Variants in CCDC38 observed in about 807,000 individuals in gnomAD.
CCDC38 encodes coiled-coil domain-containing protein 38.
A neutral mutation model predicts 72.8 loss-of-function variants in CCDC38; 69 were observed. That is an observed-to-expected ratio of 0.95 (90% CI 0.78 to 1.16). CCDC38 has a LOEUF of 1.16. CCDC38 is among the 50% of genes most tolerant of loss of function. CCDC38 has a pLI of 0.00. For synonymous variants in CCDC38, 201 were observed against 213.2 expected (o/e 0.94, Z 0.50); for missense variants, 626 against 638.9 (o/e 0.98, Z 0.22).
At chr12:95,881,670 T>A (rs1015038181) in intron 10 of CCDC38, 116 bp from the exon 11 acceptor site, 2 of 680,796 alleles carry the variant, frequency 2.9e-6, no homozygotes, top group Non-Finnish European at 2.5e-6. Context: ...TTATTTTCAA[T>A]AGCAGGTTTA....
intron 4 of CCDC38, among the ~76,000 whole-genome samples, chr12:95,907,783 C>A (rs1023466630): frequency 2.0e-5 from 3 of 150,448 alleles, no homozygotes; most frequent in African/African-American, 7.4e-5. Context: ...CAGGCAGAGA[C>A]GCTCCTCACA....
intron 5 of CCDC38, among the ~76,000 whole-genome samples, chr12:95,900,725 A>G (rs1413955085): frequency 6.6e-6 from 1 of 152,246 alleles, no homozygotes; most frequent in Non-Finnish European, 1.5e-5. Context: ...TCATTGTGCA[A>G]AGTGGCTTAA....
chr12:95,938,711 G>C (rs371692142), intron 1 of CCDC38, among the ~76,000 whole-genome samples: 1 of 152,218 alleles, frequency 6.6e-6, no homozygotes, highest in Admixed American at 6.5e-5. Flanking sequence ...GAGAGGAACA[G>C]AACCAGTTAT....
intron 2 of CCDC38, 60 bp downstream of exon 2, chr12:95,936,413 T>C: frequency 1.4e-6 from 2 of 1,466,694 alleles, no homozygotes; most frequent in Admixed American, 3.8e-5. Context: ...GCTCACAATC[T>C]GTTATGGAGC....
At chr12:95,869,443 T>C in intron 15 of CCDC38, 37 bp downstream of exon 15, 2 of 1,457,684 alleles carry the variant, frequency 1.4e-6, no homozygotes, top group Non-Finnish European at 1.9e-6. Flanking sequence ...TTGTATCACA[T>C]ATTGATATGG....
intron 2 of CCDC38, among the ~76,000 whole-genome samples, chr12:95,921,736 A>G (rs2080211177): frequency 1.0e-5 from 1 of 98,970 alleles, no homozygotes; most frequent in African/African-American, 4.8e-5. Context: ...TGGAGTTGAC[A>G]CCTTAAATCA....
intron 13 of CCDC38, 67 bp downstream of exon 13, chr12:95,878,144 G>T: frequency 6.4e-7 from 1 of 1,555,778 alleles, no homozygotes; most frequent in Non-Finnish European, 8.8e-7. Context: ...CACATACTTA[G>T]GACACAGGGA....
intron 10 of CCDC38, among the ~76,000 whole-genome samples, chr12:95,884,314 A>G (rs1324486837): frequency 6.6e-6 from 1 of 152,252 alleles, no homozygotes; most frequent in Non-Finnish European, 1.5e-5. Flanking sequence ...ACAAAGTACA[A>G]TACCATTTAC....
In CCDC38 at chr12:95,879,594, T is replaced by C; in HGVS notation, c.1142+50A>G. ...ATGTGAGTGAGTTGGACCCAGGCTC[T>C]GGTTAGAAATTGCTTAATGGAATAA... is the stretch of plus-strand genomic sequence containing the variant. On this transcript the variant is annotated intron_variant, in intron 12 of 15. Transcript: ENST00000344280. This position sits in a 1 kb window ranked among gnomAD's most constrained non-coding sequence, Gnocchi z 5.5. 2 of 1,343,786 alleles carry C rather than the reference T, an allele frequency of 1.5e-6. No homozygotes were observed. 83.2% of individuals were successfully genotyped at this position (1,343,786 alleles called of 1,614,324 possible).
At chr12:95,943,208 C>G (rs1406664829), upstream of CCDC38, 2 of 574,292 alleles carry the variant, frequency 3.5e-6, no homozygotes, top group East Asian at 7.0e-5. Context: ...TACTCGTTGC[C>G]ATTCTTGCAA....
intron 8 of CCDC38, among the ~76,000 whole-genome samples, chr12:95,893,578 G>A (rs548313978): frequency 1.3e-5 from 2 of 151,544 alleles, no homozygotes; most frequent in South Asian, 2.1e-4. Context: ...CTCAACTTCC[G>A]GGGTTTCAGG....
intron 13 of CCDC38, among the ~76,000 whole-genome samples, chr12:95,877,051 A>G (rs966390794): frequency 2.0e-5 from 3 of 152,126 alleles, no homozygotes; most frequent in Admixed American, 6.5e-5. Context: ...TTAAGATTAA[A>G]CAAGTTTTAT....
intron 5 of CCDC38, among the ~76,000 whole-genome samples, chr12:95,904,713 G>A (rs965704974): frequency 8.5e-5 from 13 of 152,160 alleles, no homozygotes; most frequent in Admixed American, 7.2e-4. Context: ...TTGACCATGT[G>A]GTTGATCTGT....
intron 2 of CCDC38, among the ~76,000 whole-genome samples, chr12:95,931,357 A>G (rs1276549015): frequency 6.6e-6 from 1 of 152,240 alleles, no homozygotes; most frequent in East Asian, 1.9e-4. Flanking sequence ...CTAATCCAGG[A>G]TAACCTTCCC....
intron 15 of CCDC38, 76 bp from the exon 16 acceptor site, chr12:95,867,265 A>G (rs1353798565): frequency 5.2e-6 from 4 of 763,386 alleles, no homozygotes; most frequent in Middle Eastern, 3.4e-4. Flanking sequence ...TGAAATACCA[A>G]TATTAACTTG....
intron 14 of CCDC38, 167 bp from the exon 15 acceptor site, chr12:95,869,740 A>C (rs1565939601): frequency 1.8e-6 from 1 of 558,544 alleles, no homozygotes; most frequent in African/African-American, 2.0e-5. Context: ...ATTCAGGTAA[A>C]TCTCGACAAC....
chr12:95,891,361 T>C (rs542648558), intron 8 of CCDC38, among the ~76,000 whole-genome samples: 11 of 152,290 alleles, frequency 7.2e-5, no homozygotes, highest in Non-Finnish European at 1.3e-4. Context: ...TTTTATTTTT[T>C]TGGGGACAGG....
intron 2 of CCDC38, among the ~76,000 whole-genome samples, chr12:95,920,567 T>C (rs527257509): frequency 1.4e-4 from 22 of 152,242 alleles, no homozygotes; most frequent in Admixed American, 1.2e-3. Flanking sequence ...TGGATGAACA[T>C]TGGAAACATG....
chr12:95,882,411 C>A (rs901903022), intron 10 of CCDC38, among the ~76,000 whole-genome samples: 2 of 152,062 alleles, frequency 1.3e-5, no homozygotes, highest in African/African-American at 4.8e-5. Flanking sequence ...ATGGAGGTAG[C>A]ACTCACAGGA....
Sources: gnomAD v4.1 joint callset for allele counts (sites outside exome capture counted in the v4.1 genomes callset) on GRCh38, gnomAD v4.1.1 for gene constraint, Gnocchi (gnomAD v3.1) non-coding constraint, MANE v1.5 for transcripts, NCBI Gene and HGNC (gene_info 2026-07-23, HGNC 2026-07-21) for gene names.